Variants in GARRE1 observed in about 807,000 individuals in gnomAD.
GARRE1 encodes granule associated Rac and RHOG effector 1, also known as granule associated Rac and RHOG effector protein 1.
A neutral mutation model predicts 103.2 loss-of-function variants in GARRE1; 49 were observed. That is an observed-to-expected ratio of 0.47 (90% CI 0.38 to 0.60). GARRE1 has a LOEUF of 0.60. Ranked by LOEUF, GARRE1 falls within the 20% of genes least tolerant of loss-of-function variation. The probability of loss-of-function intolerance (pLI) is 0.00; values close to 1 mark genes in which losing one functional copy is unlikely to be tolerated. For missense variants in GARRE1, 1,199 were observed against 1,370.5 expected (o/e 0.87, Z 1.98); for synonymous variants, 505 against 532.8 (o/e 0.95, Z 0.72).
chr19:34,254,703 A>G (rs2073659188), intron 1 of GARRE1, 89 bp downstream of exon 1: 1 of 145,726 alleles, frequency 6.9e-6, no homozygotes, highest in Non-Finnish European at 1.5e-5. Context: ...GGCCGCAGCC[A>G]GGGCAGACGG....
chr19:34,262,693 C>G (rs752218030), intron 1 of GARRE1, among the ~76,000 whole-genome samples: 2 of 152,048 alleles, frequency 1.3e-5, no homozygotes, highest in African/African-American at 4.8e-5. Context: ...CTGATGAAGT[C>G]CAAGCACACT....
chr19:34,320,145 C>G, intron 3 of GARRE1, 29 bp downstream of exon 3: 2 of 1,597,576 alleles, frequency 1.3e-6, no homozygotes, highest in Non-Finnish European at 1.7e-6. Context: ...AGATTGGTGC[C>G]TGTGTTCAAA....
intron 1 of GARRE1, among the ~76,000 whole-genome samples, 188 bp downstream of exon 1, chr19:34,254,802 C>T (rs2073660163): frequency 6.7e-6 from 1 of 149,500 alleles, no homozygotes; most frequent in African/African-American, 2.4e-5. Flanking sequence ...CTGTGGAGGA[C>T]GCCGGGCTTT....
chr19:34,279,997 A>G (rs1439897692), intron 1 of GARRE1, among the ~76,000 whole-genome samples: 2 of 151,758 alleles, frequency 1.3e-5, no homozygotes, highest in African/African-American at 2.4e-5. Context: ...AAAAAAAAAA[A>G]AAAAAAAAAA....
At chr19:34,304,695 T>C (rs1164000371) in intron 2 of GARRE1, among the ~76,000 whole-genome samples, 1 of 151,896 alleles carries the variant, frequency 6.6e-6, no homozygotes, top group Non-Finnish European at 1.5e-5. Context: ...TAATTTCTAA[T>C]TGTTTCTATG....
intron 2 of GARRE1, among the ~76,000 whole-genome samples, chr19:34,301,579 G>T (rs2073979362): frequency 6.7e-6 from 1 of 149,614 alleles, no homozygotes; most frequent in Admixed American, 6.7e-5. Flanking sequence ...TTATATTGTT[G>T]TCTTTCAAAT....
chr19:34,307,792 TAA>T (rs148017219), intron 2 of GARRE1, among the ~76,000 whole-genome samples: 5,656 of 109,028 alleles, frequency 0.052, 381 homozygotes, highest in East Asian at 0.14. Flanking sequence ...ATATATACTA[TAA>T]AAAAAAAATA....
At chr19:34,302,292 G>GT (rs397786603) in intron 2 of GARRE1, among the ~76,000 whole-genome samples, 79,462 of 92,056 alleles carry the variant, frequency 0.86, 35,979 homozygotes, top group Non-Finnish European at 0.9. Flanking sequence ...GCGCCCAGCC[G>GT]TTTTTTTTTT....
intron 2 of GARRE1, among the ~76,000 whole-genome samples, chr19:34,317,746 A>T (rs977109543): frequency 6.6e-6 from 1 of 152,284 alleles, no homozygotes; most frequent in South Asian, 2.1e-4. Flanking sequence ...CTTGTTGTCT[A>T]TGAAGGGAGG....
intron 1 of GARRE1, among the ~76,000 whole-genome samples, chr19:34,267,132 G>T (rs1290363084): frequency 6.6e-6 from 1 of 152,178 alleles, no homozygotes; most frequent in African/African-American, 2.4e-5. Context: ...CAGGCATGGT[G>T]GTGTGTGCCT....
At chr19:34,270,591 G>C (rs542085080) in intron 1 of GARRE1, among the ~76,000 whole-genome samples, 1 of 152,240 alleles carries the variant, frequency 6.6e-6, no homozygotes, top group South Asian at 2.1e-4. Context: ...TCAGATCTTT[G>C]AGGGGGGCCT....
intron 1 of GARRE1, chr19:34,296,464 C>G: frequency 6.3e-7 from 1 of 1,593,654 alleles, no homozygotes; most frequent in Non-Finnish European, 8.5e-7. Context: ...GCAAGTCGAT[C>G]GAGCTTGTGG....
intron 12 of GARRE1, among the ~76,000 whole-genome samples, chr19:34,351,192 G>C (rs2074234491): frequency 2.0e-5 from 2 of 99,424 alleles, no homozygotes; most frequent in African/African-American, 5.2e-5. Context: ...GTGAGACTCA[G>C]TCTCAAAAAA....
intron 3 of GARRE1, among the ~76,000 whole-genome samples, chr19:34,323,023 C>CTTTTTTTTTTTTTTTTTTTTTTTT: frequency 1.5e-5 from 1 of 66,666 alleles, no homozygotes; most frequent in Non-Finnish European, 2.7e-5. Flanking sequence ...TATTTCTTTT[C>CTTTTTTTTTTTTTTTTTTTTTTTT]TTTTTTTTTT....
At chr19:34,265,122 T>G (rs2073743703) in intron 1 of GARRE1, among the ~76,000 whole-genome samples, 1 of 152,196 alleles carries the variant, frequency 6.6e-6, no homozygotes, top group South Asian at 2.1e-4. Context: ...AAAATCTGAT[T>G]TTCTTACTAA....
intron 1 of GARRE1, among the ~76,000 whole-genome samples, chr19:34,280,595 G>T (rs1212889042): frequency 6.6e-6 from 1 of 151,894 alleles, no homozygotes; most frequent in Non-Finnish European, 1.5e-5. Context: ...TGTGCTTTTC[G>T]TGTCCTATCC....
chr19:34,331,720 G>A (rs1398792602), intron 7 of GARRE1, among the ~76,000 whole-genome samples: 4 of 152,154 alleles, frequency 2.6e-5, no homozygotes, highest in African/African-American at 4.8e-5. Flanking sequence ...GTGGCAGGGC[G>A]TGGTGGCTCA....
intron 6 of GARRE1, among the ~76,000 whole-genome samples, chr19:34,328,694 A>C (rs2074124192): frequency 6.6e-6 from 1 of 151,288 alleles, no homozygotes; most frequent in African/African-American, 2.4e-5. Flanking sequence ...TGCAACCTTC[A>C]CCTCCTGGGT....
At chr19:34,279,633 A>G (rs1009232121) in intron 1 of GARRE1, among the ~76,000 whole-genome samples, 1 of 152,052 alleles carries the variant, frequency 6.6e-6, no homozygotes, top group Non-Finnish European at 1.5e-5. Flanking sequence ...CCCTAGTTGT[A>G]CTGTCTGTTC....
Sources: allele counts gnomAD v4.1 joint callset (sites outside exome capture counted in the v4.1 genomes callset), GRCh38; gene constraint gnomAD v4.1.1; transcripts MANE v1.5; gene names NCBI Gene and HGNC (gene_info 2026-07-23, HGNC 2026-07-21).